Variants in CNTLN observed in about 807,000 individuals in gnomAD.
CNTLN encodes the protein centlein.
A neutral mutation model predicts 180.0 loss-of-function variants in CNTLN; 212 were observed. The observed-to-expected ratio is 1.18, with a 90% CI of 1.05 to 1.32. CNTLN has a LOEUF of 1.32. Ranked by LOEUF, CNTLN falls within the 40% of genes most tolerant of loss-of-function variation. The pLI is 0.00. For missense variants in CNTLN, 2,095 were observed against 1,610.9 expected (o/e 1.30, Z -5.14); for synonymous variants, 722 against 563.1 (o/e 1.28, Z -3.99).
Position 17,236,414 on chromosome 9 carries a change from T to C in CNTLN, c.675T>C (p.Thr225=), listed in dbSNP as rs911741470. The C allele has an allele frequency of 3.1e-6, 5 of 1,602,726 alleles. No individual in the cohort carries two copies. The highest frequency in any genetic ancestry group is 3.4e-6 in the Non-Finnish European group (4 of 1,176,140). The change falls in exon 5 of 26, where the codon ACT becomes ACC. Residue 225 remains threonine, a synonymous_variant. Transcript: ENST00000380647. The stretch of plus-strand genomic sequence containing the variant: ...CTTGTGGTACTGTTCTACAGGACAC[T>C]AAGGAGTGTGTACAGAACAAAGAAG... ...FKDKSQEIKD[T]KECVQNKEEQ... is the part of the protein sequence containing the mutation.
At chr9:17,144,570 A>T (rs1818318079) in intron 2 of CNTLN, among the ~76,000 whole-genome samples, 1 of 151,936 alleles carries the variant, frequency 6.6e-6, no homozygotes, top group African/African-American at 2.4e-5. Context: ...ACAGAAGCAG[A>T]TATTAAATTA....
chr9:17,464,060 A>G (rs530282597), intron 20 of CNTLN, among the ~76,000 whole-genome samples: 3 of 151,568 alleles, frequency 2.0e-5, no homozygotes, highest in Admixed American at 6.6e-5. Context: ...AAATTAGAAG[A>G]TATTATGGCT....
At chr9:17,522,021 G>A in the CNTLN span, among the ~76,000 whole-genome samples, 1 of 100,708 alleles carries the variant, frequency 9.9e-6, no homozygotes, top group Admixed American at 1.3e-4. Context: ...GCTCAAATAG[G>A]CATTAGCAAC....
the CNTLN span, among the ~76,000 whole-genome samples, chr9:17,519,052 A>G: frequency 6.8e-6 from 1 of 146,702 alleles, no homozygotes. Context: ...CCCCCTGAGT[A>G]GCTGGGACTA....
At chr9:17,475,255 T>G (rs1400308685) in intron 23 of CNTLN, among the ~76,000 whole-genome samples, 1 of 149,094 alleles carries the variant, frequency 6.7e-6, no homozygotes, top group Non-Finnish European at 1.5e-5. Flanking sequence ...AAATCATTAT[T>G]GACCTTAACG....
intron 10 of CNTLN, among the ~76,000 whole-genome samples, chr9:17,339,607 A>G (rs970644282): frequency 3.3e-5 from 5 of 152,160 alleles, no homozygotes; most frequent in Non-Finnish European, 5.9e-5. Flanking sequence ...TCACCTCACT[A>G]TAATATTAGA....
chr9:17,326,718 A>G (rs1471214410), intron 8 of CNTLN, among the ~76,000 whole-genome samples: 2 of 152,140 alleles, frequency 1.3e-5, no homozygotes, highest in African/African-American at 4.8e-5. Context: ...CCTTGATATG[A>G]TGTGATGAAA....
At chr9:17,156,550 TTATTC>T (rs1563831314) in intron 2 of CNTLN, among the ~76,000 whole-genome samples, 1 of 152,164 alleles carries the variant, frequency 6.6e-6, no homozygotes, top group Non-Finnish European at 1.5e-5. Flanking sequence ...ATTGGGTTAT[TTATTC>T]TGTAGAGTTT....
intron 2 of CNTLN, among the ~76,000 whole-genome samples, chr9:17,214,009 A>G (rs1309484225): frequency 2.6e-5 from 4 of 152,072 alleles, no homozygotes; most frequent in Non-Finnish European, 5.9e-5. Context: ...TCTTTATCCA[A>G]TTTGCCAGTC....
At chr9:17,513,682 C>T in the CNTLN span, among the ~76,000 whole-genome samples, 1 of 151,802 alleles carries the variant, frequency 6.6e-6, no homozygotes, top group African/African-American at 2.4e-5. Flanking sequence ...CCAGCCTGGG[C>T]AACAGAATGC....
intron 2 of CNTLN, among the ~76,000 whole-genome samples, chr9:17,189,850 T>G (rs1821683948): frequency 6.6e-6 from 1 of 152,036 alleles, no homozygotes; most frequent in South Asian, 2.1e-4. Context: ...CGAGGTCTTT[T>G]CACTCTGACT....
intron 5 of CNTLN, among the ~76,000 whole-genome samples, chr9:17,263,105 A>G (rs180910381): frequency 1.3e-5 from 2 of 150,722 alleles, no homozygotes; most frequent in East Asian, 3.9e-4. Flanking sequence ...GGTTTGTTAC[A>G]TATGTATACA....
At chr9:17,189,219 A>C (rs1391662981) in intron 2 of CNTLN, among the ~76,000 whole-genome samples, 10 of 148,520 alleles carry the variant, frequency 6.7e-5, no homozygotes, top group Non-Finnish European at 1.5e-5. Flanking sequence ...AGTAGCTGGG[A>C]CTACAGCTGC....
chr9:17,426,842 G>A (rs1009862643), intron 18 of CNTLN, among the ~76,000 whole-genome samples: 4 of 151,762 alleles, frequency 2.6e-5, no homozygotes, highest in African/African-American at 9.7e-5. Flanking sequence ...CTGTCTTTGG[G>A]GAGCATTCAT....
At chr9:17,361,387 A>G (rs1823380297) in intron 12 of CNTLN, among the ~76,000 whole-genome samples, 1 of 152,132 alleles carries the variant, frequency 6.6e-6, no homozygotes, top group Non-Finnish European at 1.5e-5. Flanking sequence ...AATGCCTCTG[A>G]TGTTCAACTA....
intron 10 of CNTLN, among the ~76,000 whole-genome samples, chr9:17,335,565 T>C (rs958333982): frequency 6.6e-6 from 1 of 152,150 alleles, no homozygotes; most frequent in Non-Finnish European, 1.5e-5. Flanking sequence ...TGCAAAGATC[T>C]TTGAGGAAAA....
chr9:17,200,197 A>G (rs766610976), intron 2 of CNTLN, among the ~76,000 whole-genome samples: 4 of 152,126 alleles, frequency 2.6e-5, no homozygotes, highest in Non-Finnish European at 5.9e-5. Flanking sequence ...ATTGGTCTAC[A>G]TATATGTTTT....
At chr9:17,524,307 G>A in the CNTLN span, among the ~76,000 whole-genome samples, 1 of 152,194 alleles carries the variant, frequency 6.6e-6, no homozygotes, top group East Asian at 1.9e-4. Context: ...AACTGATGAT[G>A]TACTACCAGT....
intron 16 of CNTLN, among the ~76,000 whole-genome samples, chr9:17,411,703 C>T (rs1283415078): frequency 6.6e-6 from 1 of 152,136 alleles, no homozygotes; most frequent in Non-Finnish European, 1.5e-5. Flanking sequence ...TGCAAGGGAT[C>T]TAGGTTGCTG....
Sources: allele counts gnomAD v4.1 joint callset (sites outside exome capture counted in the v4.1 genomes callset), GRCh38; gene constraint gnomAD v4.1.1; transcripts MANE v1.5; gene names NCBI Gene and HGNC (gene_info 2026-07-23, HGNC 2026-07-21).